OR10R2: variants seen among roughly 807,000 people sequenced by gnomAD.
OR10R2 encodes the protein olfactory receptor 10R2.
Under a neutral mutation model 2.4 loss-of-function variants are expected in OR10R2, and 1 was observed. That is an observed-to-expected ratio of 0.41 (90% CI 0.15 to 1.95). The LOEUF is 1.95. Among genes scored for constraint, OR10R2 ranks in the 30% most tolerant of loss-of-function variants. The pLI is 0.30. For missense variants in OR10R2, 419 were observed against 373.0 expected, an observed-to-expected ratio of 1.12 and a Z score of -1.01; for synonymous variants, 166 against 144.8, an observed-to-expected ratio of 1.15 and a Z score of -1.05.
intron 1 of OR10R2, among the ~76,000 whole-genome samples, chr1:158,478,105 G>T (rs1370306676): frequency 6.6e-6 from 1 of 152,146 alleles, no homozygotes; most frequent in Non-Finnish European, 1.5e-5. Flanking sequence ...CTAGCCATCT[G>T]CAGAAGAGGG....
chr1:158,478,714 T>A (rs949729987), intron 1 of OR10R2, among the ~76,000 whole-genome samples: 14 of 152,168 alleles, frequency 9.2e-5, no homozygotes, highest in Non-Finnish European at 1.9e-4. Flanking sequence ...TGTCTATAGA[T>A]GAAGATGATG....
chr1:158,480,493 C>T, exon 2 of OR10R2: 1 of 1,613,476 alleles, frequency 6.2e-7, no homozygotes, highest in Non-Finnish European at 8.5e-7. Context: ...AGCAGTCATT[C>T]TTCTGGCTTG....
chr1:158,472,313 C>G (rs1169594484), exon 1 of OR10R2: 1 of 398,886 alleles, frequency 2.5e-6, no homozygotes, highest in Non-Finnish European at 4.4e-6. Context: ...CCAGCCCATA[C>G]AGAAGAGGCA....
chr1:158,473,288 A>G (rs1436679145), intron 1 of OR10R2, among the ~76,000 whole-genome samples: 1 of 152,214 alleles, frequency 6.6e-6, no homozygotes, highest in South Asian at 2.1e-4. Context: ...CTTTTGTCAA[A>G]TGAACAACAT....
intron 1 of OR10R2, among the ~76,000 whole-genome samples, chr1:158,472,570 T>C (rs1656185061): frequency 6.6e-6 from 1 of 152,216 alleles, no homozygotes; most frequent in Non-Finnish European, 1.5e-5. Flanking sequence ...CTTTATTCCA[T>C]AGATGGCTTG....
chr1:158,478,804 T>C (rs1355323916), intron 1 of OR10R2, among the ~76,000 whole-genome samples: 2 of 152,164 alleles, frequency 1.3e-5, no homozygotes, highest in Non-Finnish European at 2.9e-5. Context: ...TACAGATAAT[T>C]AGTCATAATC....
exon 2 of OR10R2, chr1:158,480,089 T>A (rs1362412433): frequency 6.2e-7 from 1 of 1,613,952 alleles, no homozygotes; most frequent in Admixed American, 1.7e-5. Flanking sequence ...GTCATCCACC[T>A]GGATAAAAGC....
At chr1:158,478,243 T>C (rs187466969) in intron 1 of OR10R2, among the ~76,000 whole-genome samples, 1 of 152,286 alleles carries the variant, frequency 6.6e-6, no homozygotes, top group Non-Finnish European at 1.5e-5. Context: ...AATATCAGCC[T>C]TGGCAAAGAA....
intron 1 of OR10R2, among the ~76,000 whole-genome samples, chr1:158,475,364 G>A (rs1656251060): frequency 6.6e-6 from 1 of 151,802 alleles, no homozygotes; most frequent in African/African-American, 2.4e-5. Flanking sequence ...TAAATTTCTT[G>A]GCATAAACAA....
intron 1 of OR10R2, among the ~76,000 whole-genome samples, chr1:158,475,339 G>A (rs1456034091): frequency 6.6e-6 from 1 of 152,028 alleles, no homozygotes; most frequent in African/African-American, 2.4e-5. Flanking sequence ...ATTCAAGGAT[G>A]TAGATATAGT....
intron 1 of OR10R2, among the ~76,000 whole-genome samples, chr1:158,476,890 G>A (rs760829083): frequency 7.9e-5 from 12 of 151,976 alleles, no homozygotes; most frequent in South Asian, 2.1e-4. Context: ...TTTGAGAGGC[G>A]TCTGTTCATA....
chr1:158,480,460 A>G, exon 2 of OR10R2: 1 of 1,613,880 alleles, frequency 6.2e-7, no homozygotes, highest in South Asian at 1.1e-5. Context: ...CAACAAAGTC[A>G]ATCATTACTT....
At chr1:158,478,155 T>A (rs1192399319) in intron 1 of OR10R2, among the ~76,000 whole-genome samples, 1 of 152,054 alleles carries the variant, frequency 6.6e-6, no homozygotes, top group Non-Finnish European at 1.5e-5. Context: ...AAAAATTAAC[T>A]CAAAGTGGAT....
intron 1 of OR10R2, among the ~76,000 whole-genome samples, chr1:158,473,573 G>T (rs1429241893): frequency 6.6e-6 from 1 of 152,186 alleles, no homozygotes; most frequent in Non-Finnish European, 1.5e-5. Flanking sequence ...AGGCATTGTT[G>T]TTATAAGACA....
At chr1:158,480,294 T>C (rs1440702015) in exon 2 of OR10R2, 2 of 1,614,008 alleles carry the variant, frequency 1.2e-6, no homozygotes, top group African/African-American at 2.7e-5. Flanking sequence ...GTGTGATGGG[T>C]TATGATCGCT....
At chr1:158,476,266 G>T (rs1656265832) in intron 1 of OR10R2, among the ~76,000 whole-genome samples, 7 of 151,916 alleles carry the variant, frequency 4.6e-5, no homozygotes, top group Admixed American at 4.6e-4. Flanking sequence ...AATTTAAGTA[G>T]GCTGGGCGCA....
chr1:158,476,050 T>A (rs1004671406), intron 1 of OR10R2, among the ~76,000 whole-genome samples: 1 of 152,120 alleles, frequency 6.6e-6, no homozygotes, highest in African/African-American at 2.4e-5. Context: ...TTTAGCCATA[T>A]TTTCTAATAT....
At chr1:158,473,852 CCTTCCCTCTTTCCCTCTCTG>C (rs1363042978) in intron 1 of OR10R2, among the ~76,000 whole-genome samples, 1 of 134,738 alleles carries the variant, frequency 7.4e-6, no homozygotes, top group African/African-American at 3.6e-5. Flanking sequence ...CTCCCTCCCT[CCTTCCCTCTTTCCCTCTCTG>C]CTTCCTTCCT....
intron 1 of OR10R2, among the ~76,000 whole-genome samples, chr1:158,477,896 C>A (rs1269631631): frequency 6.6e-6 from 1 of 152,136 alleles, no homozygotes; most frequent in Non-Finnish European, 1.5e-5. Context: ...TACTAGCCAA[C>A]TTCAAACTAT....
Sources: allele counts gnomAD v4.1 joint callset (sites outside exome capture counted in the v4.1 genomes callset), GRCh38; gene constraint gnomAD v4.1.1; transcripts MANE v1.5; gene names NCBI Gene and HGNC (gene_info 2026-07-23, HGNC 2026-07-21).